Variants in MCRIP1 observed in about 807,000 individuals in gnomAD.
MCRIP1 encodes mapk-regulated corepressor-interacting protein 1.
MCRIP1 carries 10 observed loss-of-function variants against 14.4 expected under a neutral mutation model. The ratio of observed to expected loss-of-function variants is 0.70; its 90% confidence interval spans 0.43 to 1.18. MCRIP1 has a LOEUF of 1.18. MCRIP1 is among the 50% of genes most tolerant of loss of function. MCRIP1 has a pLI of 0.00. For synonymous variants in MCRIP1, 53 were observed against 55.7 expected, an observed-to-expected ratio of 0.95 and a Z score of 0.21; for missense variants, 119 against 135.4, an observed-to-expected ratio of 0.88 and a Z score of 0.60.
intron 1 of MCRIP1, among the ~76,000 whole-genome samples, chr17:81,829,232 G>A (rs1280699548): frequency 5.9e-5 from 9 of 151,818 alleles, no homozygotes; most frequent in Non-Finnish European, 7.4e-5. Context: ...GGGGAGTGGC[G>A]GCCTGACCGA....
Position 81,824,482 on chromosome 17 carries a change from A to C in MCRIP1, c.8+17T>G. 6.5e-7 allele frequency: 1 copy of C among 1,535,910 alleles called. No individual in the cohort carries two copies. The highest frequency in any genetic ancestry group is 1.2e-5 in the South Asian group (1 of 84,054). On this transcript the variant is annotated intron_variant, in intron 2 of 4. Coordinates refer to ENST00000455127, the MANE Select transcript of MCRIP1 (RefSeq NM_207368.5). ...AACCCGCCCCGGTGGAGACCAGCCC[A>C]CCTGCCTGAGACCCACCTGGTCATC...
Position 81,823,102 on chromosome 17 carries a change from G to C in MCRIP1, c.*145C>G. 1.3e-6 allele frequency: 1 copy of C among 756,044 alleles called. No homozygotes were observed. Among genetic ancestry groups the C allele is most frequent in the Non-Finnish European group, 2.2e-6 (1 of 452,536 alleles). The allele number at this position is 756,044 out of a possible 1,614,324, so 46.8% of individuals were successfully genotyped here. A position where few individuals can be genotyped will look rare whatever the true frequency, so the allele number is the denominator to read the frequency against. On this transcript the variant is annotated 3_prime_UTR_variant, in exon 5 of 5. Transcript: ENST00000455127. This position sits in a 1 kb window ranked among gnomAD's most constrained non-coding sequence, Gnocchi z 6.0. ...AAGGGGGCTTGGGAAGGAGAGGCAGGCCTCAGCCGTCAGTCACGCCAGTGC... is the reference window on the plus strand; with the variant it reads ...AAGGGGGCTTGGGAAGGAGAGGCAGCCCTCAGCCGTCAGTCACGCCAGTGC...
Position 81,823,473 on chromosome 17 carries a change from C to G in MCRIP1, c.168G>C (p.Pro56=), listed in dbSNP as rs1378548401. ...CCTCCACCAGGCCCCGCTCGCCACC[C>G]GGCACCTGGCCTCGCAGGTCTCGCT... The part of the protein sequence containing the change: ...GVERDLRGQV[P]GGERGLVEEY... The change falls in exon 4 of 5, where the codon CCG becomes CCC. Residue 56 remains proline, a synonymous_variant. Transcript: ENST00000455127. This position sits in a 1 kb window ranked among gnomAD's most constrained non-coding sequence, Gnocchi z 6.0. 5.2e-5 allele frequency: 80 copies of G among 1,536,504 alleles called. No individual in the cohort carries two copies. The highest frequency in any genetic ancestry group is 6.9e-5 in the Non-Finnish European group (79 of 1,146,784).
chr17:81,823,444 T>C lies in MCRIP1; in HGVS notation c.197A>G (p.Tyr66Cys). The C allele has an allele frequency of 6.5e-7, 1 of 1,536,628 alleles. No individual in the cohort carries two copies. The highest frequency in any genetic ancestry group is 8.7e-7 in the Non-Finnish European group (1 of 1,146,710). ...PGGERGLVEE[Y>C]VEKVPNPSLK... is the part of the protein sequence containing the mutation. ...GCTGGGGTTAGGGACCTTCTCCACA[T>C]ACTCCTCCACCAGGCCCCGCTCGCC... Residue 66 changes from tyrosine (Y) to cysteine (C), a missense_variant, in exon 4 of 5, where the codon TAT becomes TGT. Transcript: ENST00000455127. This position sits in a 1 kb window ranked among gnomAD's most constrained non-coding sequence, Gnocchi z 6.0.
At chr17:81,832,216 T>C (rs565590318) in intron 1 of MCRIP1, among the ~76,000 whole-genome samples, 1 of 152,192 alleles carries the variant, frequency 6.6e-6, no homozygotes, top group South Asian at 2.1e-4. Flanking sequence ...GGCTAGAAAA[T>C]GATCTATTGC....
chr17:81,826,107 C>A, intron 1 of MCRIP1: 1 of 1,480,424 alleles, frequency 6.8e-7, no homozygotes, highest in Non-Finnish European at 9.0e-7. Context: ...TTTATGCAGC[C>A]ACACCTTTGG....
intron 1 of MCRIP1, among the ~76,000 whole-genome samples, chr17:81,829,246 C>A (rs539065552): frequency 6.7e-6 from 1 of 150,260 alleles, no homozygotes; most frequent in East Asian, 2.0e-4. Flanking sequence ...TGACCGAGGC[C>A]GACCACAGGT....
At chr17:81,833,048 C>T (rs527816661) in intron 1 of MCRIP1, among the ~76,000 whole-genome samples, 190 bp downstream of exon 1, 1 of 150,740 alleles carries the variant, frequency 6.6e-6, no homozygotes, top group South Asian at 2.1e-4. Flanking sequence ...GCGGGCCGCG[C>T]CCTCCTGCAG....
Position 81,822,947 on chromosome 17 carries a change from GAGGTC to G in MCRIP1, c.*295_*299del, listed in dbSNP as rs1598246781. 3 of 557,704 alleles carry G rather than the reference GAGGTC, an allele frequency of 5.4e-6. No homozygotes were observed. In the East Asian group the frequency reaches 9.1e-5, roughly 17 times the overall value. The allele number at this position is 557,704 out of a possible 1,614,324, so 34.5% of individuals were successfully genotyped here. A position where few individuals can be genotyped will look rare whatever the true frequency, so the allele number is the denominator to read the frequency against. ...GGCAGGAGGGTGAGGGGAGAGGAGA[GAGGTC>G]AGGTCAGGGCCCCTGGGGGCCAGGC... On this transcript the variant is annotated 3_prime_UTR_variant, in exon 5 of 5. Coordinates refer to ENST00000455127, the MANE Select transcript of MCRIP1 (RefSeq NM_207368.5).
At chr17:81,825,077 G>A (rs2038361549) in intron 1 of MCRIP1, 13 of 1,013,004 alleles carry the variant, frequency 1.3e-5, no homozygotes, top group Non-Finnish European at 1.5e-5. Context: ...GGTGATCCCA[G>A]CTCCCCGGCA....
chr17:81,828,920 G>A (rs935537783), intron 1 of MCRIP1, among the ~76,000 whole-genome samples: 1 of 152,184 alleles, frequency 6.6e-6, no homozygotes, highest in Non-Finnish European at 1.5e-5. Context: ...ACACAGCTGA[G>A]GGGGGAGGGC....
Position 81,823,340 on chromosome 17 carries a change from G to A in MCRIP1, c.230-29C>T. On this transcript the variant is annotated intron_variant, in intron 4 of 4. Transcript: ENST00000455127. The surrounding 1 kb of genome is among the most constrained non-coding windows in gnomAD (Gnocchi z 6.0). Reference sequence around the variant, plus strand: ...CCAGGGGACAACGCGGTAGGTGGTGGGCACAGGCCCCTCCTGCCCATGAGG... The same window carrying A: ...CCAGGGGACAACGCGGTAGGTGGTGAGCACAGGCCCCTCCTGCCCATGAGG... 2 of 1,536,754 alleles carry A rather than the reference G, an allele frequency of 1.3e-6. No homozygotes were observed. Among genetic ancestry groups the A allele is most frequent in the South Asian group, 1.2e-5 (1 of 84,050 alleles).
chr17:81,825,559 G>T (rs961243286), intron 1 of MCRIP1: 8 of 1,287,530 alleles, frequency 6.2e-6, no homozygotes, highest in Admixed American at 2.3e-5. Flanking sequence ...AGGGCCAGGA[G>T]CACTGAGGCT....
intron 1 of MCRIP1, among the ~76,000 whole-genome samples, chr17:81,828,050 G>C (rs1299159754): frequency 6.6e-6 from 1 of 152,066 alleles, no homozygotes. Context: ...AAAGTGCTGA[G>C]ATTACAGGTG....
chr17:81,828,652 C>A (rs947550913), intron 1 of MCRIP1, among the ~76,000 whole-genome samples: 7 of 152,088 alleles, frequency 4.6e-5, no homozygotes, highest in African/African-American at 1.7e-4. Flanking sequence ...ACAGCCCCCA[C>A]GCAGAGACGG....
chr17:81,823,724 C>T lies in MCRIP1; in HGVS notation c.128-211G>A. On this transcript the variant is annotated intron_variant, in intron 3 of 4. Coordinates refer to ENST00000455127, the MANE Select transcript of MCRIP1 (RefSeq NM_207368.5). This position sits in a 1 kb window ranked among gnomAD's most constrained non-coding sequence, Gnocchi z 6.0. Reference sequence around the variant, plus strand: ...CTCTGGCAGGCCTGTCCCTTCCCCGCAAGATGACCAGGACTGTGGTCAGAG... The same window carrying T: ...CTCTGGCAGGCCTGTCCCTTCCCCGTAAGATGACCAGGACTGTGGTCAGAG... 1 of 604,458 alleles carries T rather than the reference C, an allele frequency of 1.7e-6. No homozygotes were observed. Among genetic ancestry groups the T allele is most frequent in the South Asian group, 2.0e-5 (1 of 50,966 alleles). The allele number at this position is 604,458 out of a possible 1,614,324, so 37.4% of individuals were successfully genotyped here.
At chr17:81,831,255 G>A (rs369152456) in intron 1 of MCRIP1, among the ~76,000 whole-genome samples, 2 of 151,514 alleles carry the variant, frequency 1.3e-5, no homozygotes, top group East Asian at 3.9e-4. Context: ...CAGGAGAATC[G>A]CTTTATACCC....
intron 1 of MCRIP1, among the ~76,000 whole-genome samples, chr17:81,827,767 C>T (rs533878787): frequency 1.4e-5 from 2 of 147,620 alleles, no homozygotes; most frequent in South Asian, 4.3e-4. Context: ...ACCTATTGTG[C>T]ACCCATACAT....
At chr17:81,825,250 G>C (rs1472840258) in intron 1 of MCRIP1, 1 of 1,090,506 alleles carries the variant, frequency 9.2e-7, no homozygotes, top group East Asian at 7.7e-5. Flanking sequence ...CCCGTTTATG[G>C]CCTCCCAGCC....
Sources: gnomAD v4.1 joint callset for allele counts (sites outside exome capture counted in the v4.1 genomes callset) on GRCh38, gnomAD v4.1.1 for gene constraint, Gnocchi (gnomAD v3.1) non-coding constraint, MANE v1.5 for transcripts, NCBI Gene and HGNC (gene_info 2026-07-23, HGNC 2026-07-21) for gene names.